SEC14L1: variants seen among roughly 807,000 people sequenced by gnomAD.
SEC14L1 encodes SEC14-like protein 1.
Under a neutral mutation model 85.3 loss-of-function variants are expected in SEC14L1, and 48 were observed. The observed-to-expected ratio is 0.56, with a 90% CI of 0.45 to 0.72. The LOEUF (loss-of-function observed/expected upper bound fraction) is 0.72. Ranked by LOEUF, SEC14L1 falls within the 30% of genes least tolerant of loss-of-function variation. The pLI is 0.00. For missense variants in SEC14L1, 682 were observed against 921.4 expected (o/e 0.74, Z 3.36); for synonymous variants, 391 against 355.5 (o/e 1.10, Z -1.12).
intron 3 of SEC14L1, among the ~76,000 whole-genome samples, chr17:77,102,208 G>A (rs1190607598): frequency 6.6e-6 from 1 of 152,234 alleles, no homozygotes; most frequent in Non-Finnish European, 1.5e-5. Context: ...CTCCCGCTTT[G>A]ATACAGCTAA....
intron 3 of SEC14L1, among the ~76,000 whole-genome samples, chr17:77,105,810 T>C (rs1315893331): frequency 2.0e-5 from 3 of 152,164 alleles, no homozygotes; most frequent in African/African-American, 7.2e-5. Flanking sequence ...ACAGGTGGGA[T>C]TTATGTTAGT....
intron 3 of SEC14L1, among the ~76,000 whole-genome samples, chr17:77,102,463 A>C (rs961876192): frequency 1.3e-5 from 2 of 152,110 alleles, no homozygotes; most frequent in Non-Finnish European, 2.9e-5. Flanking sequence ...AAGGATATGG[A>C]AGTGAAGGGT....
chr17:77,200,343 A>G (rs1331907019), intron 8 of SEC14L1, 141 bp from the exon 9 acceptor site: 2 of 609,578 alleles, frequency 3.3e-6, no homozygotes, highest in East Asian at 2.9e-5. Context: ...TGATTTTTGT[A>G]TTTTTAGTAG....
intron 9 of SEC14L1, among the ~76,000 whole-genome samples, chr17:77,200,977 AAGAC>A (rs1356382630): frequency 1.3e-5 from 2 of 152,220 alleles, no homozygotes; most frequent in Admixed American, 6.5e-5. Flanking sequence ...ACCTATTAAA[AAGAC>A]AGCAGTGCCT....
upstream of SEC14L1, among the ~76,000 whole-genome samples, chr17:77,139,485 GA>G (rs1972904676): frequency 7.3e-6 from 1 of 137,468 alleles, no homozygotes; most frequent in South Asian, 2.4e-4. Flanking sequence ...AGCGTCTTTT[GA>G]AGGTGGATGT....
Position 77,206,414 on chromosome 17 carries a change from C to G in SEC14L1, c.1341+14C>G. On this transcript the variant is annotated intron_variant, in intron 12 of 16. Coordinates refer to ENST00000436233, the MANE Select transcript of SEC14L1 (RefSeq NM_001143998.2). This position sits in a 1 kb window ranked among gnomAD's most constrained non-coding sequence, Gnocchi z 4.3. ...CTCTGGACGCTGGTGGGTTGAGATG[C>G]TTTTTGCAGTAACTGTGAGCCATTT... 1 of 1,608,914 alleles carries G rather than the reference C, an allele frequency of 6.2e-7. No individual in the cohort carries two copies. The highest frequency in any genetic ancestry group is 8.5e-7 in the Non-Finnish European group (1 of 1,175,960).
chr17:77,205,283 C>A lies in SEC14L1; in HGVS notation c.1106C>A (p.Ser369Tyr), dbSNP rs1441820067. ...GEEALLRYVL[S>Y]INEEGLRRCE... Reference sequence around the variant, plus strand: ...ATGCCCTTTTGTATGTAGGTTCTCTCCATAAATGAAGAAGGGCTAAGGCGA... The same window carrying A: ...ATGCCCTTTTGTATGTAGGTTCTCTACATAAATGAAGAAGGGCTAAGGCGA... The change falls in exon 11 of 17, where the codon TCC (serine) becomes TAC (tyrosine). Residue 369 changes from serine to tyrosine, a missense_variant. Physicochemically the swap from Ser to Tyr is moderately radical, Grantham distance 144 (BLOSUM62 -2). Coordinates refer to ENST00000436233, the MANE Select transcript of SEC14L1 (RefSeq NM_001143998.2). 1.2e-6 allele frequency: 2 copies of A among 1,613,448 alleles called. No individual in the cohort carries two copies. The highest frequency in any genetic ancestry group is 1.7e-5 in the Admixed American group (1 of 60,002).
chr17:77,091,403 T>G (rs1971513614), intron 2 of SEC14L1, among the ~76,000 whole-genome samples: 1 of 152,032 alleles, frequency 6.6e-6, no homozygotes, highest in African/African-American at 2.4e-5. Context: ...ATGGGTTTTA[T>G]GTAAGAGGAT....
intron 3 of SEC14L1, among the ~76,000 whole-genome samples, chr17:77,146,717 CACAG>C (rs956678418): frequency 1.3e-5 from 2 of 151,646 alleles, no homozygotes; most frequent in African/African-American, 4.8e-5. Context: ...CAAACAAACA[CACAG>C]ACGCACACAC....
Position 77,201,168 on chromosome 17 carries a change from A to C in SEC14L1, c.1009+495A>C, listed in dbSNP as rs9674598. Among the ~76,000 whole-genome samples the C allele has an allele frequency of 3.7e-3, 568 of 152,318 alleles. 5 individuals are homozygous for C. The highest frequency in any genetic ancestry group is 0.013 in the African/African-American group (547 of 41,570). ...GGGGGGCGATGCACCTGAAATGAAG[A>C]GTGGTTTAAATGAGAACCTTAAAAC... On this transcript the variant is annotated intron_variant, in intron 9 of 16. Coordinates refer to ENST00000436233, the MANE Select transcript of SEC14L1 (RefSeq NM_001143998.2).
In SEC14L1 at chr17:77,206,509, A is replaced by AT; in HGVS notation, c.1341+109_1341+110insT. The AT allele has an allele frequency of 7.4e-7, 1 of 1,357,774 alleles. No individual in the cohort carries two copies. Among genetic ancestry groups the AT allele is most frequent in the Non-Finnish European group, 1.0e-6 (1 of 999,336 alleles). The allele number at this position is 1,357,774 out of a possible 1,614,324, so 84.1% of individuals were successfully genotyped here. On this transcript the variant is annotated intron_variant, in intron 12 of 16. Coordinates refer to ENST00000436233, the MANE Select transcript of SEC14L1 (RefSeq NM_001143998.2). This position sits in a 1 kb window ranked among gnomAD's most constrained non-coding sequence, Gnocchi z 4.3. ...AAGTCTTAACTTCTTAGGAAAAAAA[A>AT]CAATAACATGCAAAGATATAAAATT...
chr17:77,172,413 G>A (rs1206312085), intron 3 of SEC14L1, among the ~76,000 whole-genome samples: 1 of 152,026 alleles, frequency 6.6e-6, no homozygotes, highest in Non-Finnish European at 1.5e-5. Context: ...TGGGTTCTTT[G>A]GCTGTGCTGT....
chr17:77,136,179 CTCTT>C (rs138379411), upstream of SEC14L1, among the ~76,000 whole-genome samples: 4,164 of 151,832 alleles, frequency 0.027, 200 homozygotes, highest in African/African-American at 0.092. Flanking sequence ...CTGGCCCCTT[CTCTT>C]TCTTTCTTTC....
Position 77,212,042 on chromosome 17 carries a change from G to A in SEC14L1, c.1704G>A (p.Lys568=), listed in dbSNP as rs1255775733. 6.2e-7 allele frequency: 1 copy of A among 1,614,012 alleles called. No individual in the cohort carries two copies. Among genetic ancestry groups the A allele is most frequent in the Non-Finnish European group, 8.5e-7 (1 of 1,180,022 alleles). The part of the protein sequence containing the change: ...GDIVFNIYHS[K]RSPQPPKKDS... ...TTGTGTTTAACATCTATCACTCCAA[G>A]AGGTCGCCACAACCACCCAAAAAGG... is the stretch of plus-strand genomic sequence containing the variant. Residue 568 remains lysine (K), a synonymous_variant, in exon 15 of 17, where the codon AAG becomes AAA. Transcript: ENST00000436233.
chr17:77,181,494 C>T (rs1286185444), intron 3 of SEC14L1, among the ~76,000 whole-genome samples: 1 of 152,212 alleles, frequency 6.6e-6, no homozygotes, highest in Non-Finnish European at 1.5e-5. Flanking sequence ...CTCACTGCAT[C>T]CTCCGCCTCC....
Position 77,206,565 on chromosome 17 carries a change from A to G in SEC14L1, c.1342-163A>G, listed in dbSNP as rs1976473290. 8.3e-7 allele frequency: 1 copy of G among 1,199,964 alleles called. No individual in the cohort carries two copies. Among genetic ancestry groups the G allele is most frequent in the South Asian group, 1.5e-5 (1 of 64,746 alleles). 74.3% of individuals were successfully genotyped at this position (1,199,964 alleles called of 1,614,324 possible). Reference sequence around the variant, plus strand: ...AATTGTTTAAGAAAGGGGAAAAACAAAATGTGAGTGTCCTAATGCCATGCA... The same window carrying G: ...AATTGTTTAAGAAAGGGGAAAAACAGAATGTGAGTGTCCTAATGCCATGCA... On this transcript the variant is annotated intron_variant, in intron 12 of 16. Transcript: ENST00000436233. The surrounding 1 kb of genome is among the most constrained non-coding windows in gnomAD (Gnocchi z 4.3).
Position 77,213,367 on chromosome 17 carries a change from C to G in SEC14L1, c.1917C>G (p.His639Gln). ...TCTACATCCTGCAGTGGAAATTCCA[C>G]AGCATGCCTGCGTGCGCCGCCAGCA... ...PGFYILQWKF[H>Q]SMPACAASSL... The change falls in exon 16 of 17, where the codon CAC becomes CAG. Residue 639 changes from histidine (H) to glutamine (Q), a missense_variant. By Grantham distance (24) the His-to-Gln change is conservative. Transcript: ENST00000436233. The surrounding 1 kb of genome is among the most constrained non-coding windows in gnomAD (Gnocchi z 7.1). 6.2e-7 allele frequency: 1 copy of G among 1,613,398 alleles called. No individual in the cohort carries two copies. Among genetic ancestry groups the G allele is most frequent in the Non-Finnish European group, 8.5e-7 (1 of 1,179,906 alleles).
chr17:77,161,925 C>T (rs1598324587), intron 3 of SEC14L1, among the ~76,000 whole-genome samples: 1 of 127,186 alleles, frequency 7.9e-6, no homozygotes, highest in African/African-American at 2.9e-5. Flanking sequence ...TTTCTTCTTT[C>T]TTCTTCTTCT....
At chr17:77,097,554 C>G (rs913083221) in intron 3 of SEC14L1, among the ~76,000 whole-genome samples, 4 of 149,358 alleles carry the variant, frequency 2.7e-5, no homozygotes, top group Non-Finnish European at 5.9e-5. Context: ...CAGAGCAAGA[C>G]TCCATCTCAA....
Sources: gnomAD v4.1 joint callset for allele counts (sites outside exome capture counted in the v4.1 genomes callset) on GRCh38, gnomAD v4.1.1 for gene constraint, Gnocchi (gnomAD v3.1) non-coding constraint, MANE v1.5 for transcripts, NCBI Gene and HGNC (gene_info 2026-07-23, HGNC 2026-07-21) for gene names.